Variants in ZSCAN18 observed in about 807,000 individuals in gnomAD.
The protein encoded by ZSCAN18 is zinc finger and SCAN domain containing 18.
ZSCAN18 carries 16 observed loss-of-function variants against 31.1 expected under a neutral mutation model. The ratio of observed to expected loss-of-function variants is 0.51; its 90% confidence interval spans 0.35 to 0.78. ZSCAN18 has a LOEUF of 0.78. ZSCAN18 is among the 30% of genes least tolerant of loss of function. The probability of loss-of-function intolerance (pLI) is 0.01; values close to 1 mark genes in which losing one functional copy is unlikely to be tolerated. For synonymous variants in ZSCAN18, 375 were observed against 320.7 expected, an observed-to-expected ratio of 1.17 and a Z score of -1.81; for missense variants, 731 against 697.4, an observed-to-expected ratio of 1.05 and a Z score of -0.54.
intron 1 of ZSCAN18, among the ~76,000 whole-genome samples, chr19:58,117,857 AGAG>A (rs2074744413): frequency 6.6e-6 from 1 of 151,486 alleles, no homozygotes; most frequent in Admixed American, 6.6e-5. Flanking sequence ...ACTAGGAGAG[AGAG>A]TTAGAGGGTC....
In ZSCAN18 at chr19:58,090,590, C is replaced by A; in HGVS notation, c.-119-204G>T. 2.1e-6 allele frequency: 1 copy of A among 477,900 alleles called. No individual in the cohort carries two copies. Among genetic ancestry groups the A allele is most frequent in the Non-Finnish European group, 3.6e-6 (1 of 280,242 alleles). 29.6% of individuals were successfully genotyped at this position (477,900 alleles called of 1,614,324 possible). A position where few individuals can be genotyped will look rare whatever the true frequency, so the allele number is the denominator to read the frequency against. ...GAGGGTAACTCATTCTGTGCATTAC[C>A]AGAATTTTTTTTTCTTTGAGACCGA... On this transcript the variant is annotated intron_variant, in intron 1 of 6. Coordinates refer to ENST00000601144, the MANE Select transcript of ZSCAN18 (RefSeq NM_001145543.2). This position sits in a 1 kb window ranked among gnomAD's most constrained non-coding sequence, Gnocchi z 4.7.
Position 58,090,101 on chromosome 19 carries a change from A to T in ZSCAN18, c.167T>A (p.Val56Asp), listed in dbSNP as rs2074380787. The T allele has an allele frequency of 1.2e-6, 2 of 1,613,816 alleles. No homozygotes were observed. The highest frequency in any genetic ancestry group is 1.7e-6 in the Non-Finnish European group (2 of 1,179,890). Residue 56 changes from valine to aspartate, a missense_variant, in exon 2 of 7, where the codon GTC becomes GAC. Val to Asp is a radical substitution (Grantham distance 152). This residue lies in a region of ZSCAN18 where 86 missense variants were observed against 119.1 expected (regional missense o/e 0.72). Transcript: ENST00000601144. This position sits in a 1 kb window ranked among gnomAD's most constrained non-coding sequence, Gnocchi z 4.7. ...EFSRLRFREF[V>D]YQEAAGPHQT... ...GTGGGGCCCGGCAGCCTCCTGGTAG[A>T]CAAATTCCCGGAAACGCAGGCGGGA...
chr19:58,086,943 C>T lies in ZSCAN18; in HGVS notation c.708G>A (p.Glu236=). The T allele has an allele frequency of 6.2e-7, 1 of 1,613,980 alleles. No individual in the cohort carries two copies. Among genetic ancestry groups the T allele is most frequent in the Non-Finnish European group, 8.5e-7 (1 of 1,179,990 alleles). ...LGEWGHLDPA[E]ENLKSYRKLL... is the part of the protein sequence containing the mutation. The stretch of plus-strand genomic sequence containing the variant: ...GCTTCCGGTAGCTCTTCAGGTTCTC[C>T]TCGGCAGGGTCCAGGTGGCCCCACT... Residue 236 remains glutamate (E), a synonymous_variant, in exon 5 of 7, where the codon GAG becomes GAA. Transcript: ENST00000601144.
intron 3 of ZSCAN18, chr19:58,088,183 G>C (rs1356654245): frequency 1.3e-5 from 2 of 155,636 alleles, no homozygotes; most frequent in African/African-American, 4.8e-5. Context: ...TTCACTCCAA[G>C]GGGCAGAGAG....
At chr19:58,096,101 G>A (rs763226053) in intron 1 of ZSCAN18, among the ~76,000 whole-genome samples, 5 of 152,124 alleles carry the variant, frequency 3.3e-5, no homozygotes, top group Non-Finnish European at 5.9e-5. Context: ...GTGCGGCAGC[G>A]TACATCTATA....
chr19:58,085,255 G>A lies in ZSCAN18; in HGVS notation c.963C>T (p.Thr321=), dbSNP rs2074249489. Residue 321 remains threonine, a synonymous_variant, in exon 7 of 7, where the codon ACC becomes ACT. Coordinates refer to ENST00000601144, the MANE Select transcript of ZSCAN18 (RefSeq NM_001145543.2). The part of the protein sequence containing the change: ...GDALADPPSG[T]TEEEEEQPGK... ...CAGGCTGCTCTTCCTCCTCCTCAGT[G>A]GTGCCCGACGGGGGATCGGCAAGGG... 9 of 1,604,994 alleles carry A rather than the reference G, an allele frequency of 5.6e-6. No homozygotes were observed. The highest frequency in any genetic ancestry group is 7.6e-6 in the Non-Finnish European group (9 of 1,178,390).
Position 58,085,285 on chromosome 19 carries a change from C to T in ZSCAN18, c.933G>A (p.Gly311=), listed in dbSNP as rs1239448495. The T allele has an allele frequency of 1.9e-6, 3 of 1,600,650 alleles. No homozygotes were observed. The highest frequency in any genetic ancestry group is 2.5e-6 in the Non-Finnish European group (3 of 1,177,854). ...LPELPTEAPP[G]DALADPPSGT... The stretch of plus-strand genomic sequence containing the variant: ...CCGACGGGGGATCGGCAAGGGCGTC[C>T]CCAGGGGGCGCCTCCGTAGGCAGCT... Residue 311 remains glycine, a synonymous_variant, in exon 7 of 7, where the codon GGG becomes GGA. Transcript: ENST00000601144.
chr19:58,090,214 C>A lies in ZSCAN18; in HGVS notation c.54G>T (p.Pro18=). 6.2e-7 allele frequency: 1 copy of A among 1,613,632 alleles called. No individual in the cohort carries two copies. The highest frequency in any genetic ancestry group is 2.2e-5 in the East Asian group (1 of 44,870). ...FASPRSSPAP[P]DLPTPGSAAG... ...CTGCTGACCCCGGCGTGGGCAGATC[C>A]GGCGGGGCTGGGGAGCTCCTGGGGG... The change falls in exon 2 of 7, where the codon CCG becomes CCT. Residue 18 remains proline (P), a synonymous_variant. Transcript: ENST00000601144. The surrounding 1 kb of genome is among the most constrained non-coding windows in gnomAD (Gnocchi z 4.7).
intron 1 of ZSCAN18, among the ~76,000 whole-genome samples, chr19:58,094,299 TA>T: frequency 6.6e-6 from 1 of 151,136 alleles, no homozygotes; most frequent in South Asian, 2.1e-4. Flanking sequence ...TAGTCCCAGC[TA>T]CTCAGGAGGC....
In ZSCAN18 at chr19:58,085,336, C is replaced by A; in HGVS notation, c.882G>T (p.Glu294Asp). ...CAGGCAGCACCCCCGCGGGGGCGGC[C>A]TCCTCGCAGGCGCACCCAGCGCTCT... ...RQESAGCACE[E>D]AAPAGVLPEL... The change falls in exon 7 of 7, where the codon GAG becomes GAT. Residue 294 changes from glutamate (E) to aspartate (D), a missense_variant. Coordinates refer to ENST00000601144, the MANE Select transcript of ZSCAN18 (RefSeq NM_001145543.2). 2 of 1,594,096 alleles carry A rather than the reference C, an allele frequency of 1.3e-6. No homozygotes were observed. Among genetic ancestry groups the A allele is most frequent in the Non-Finnish European group, 1.7e-6 (2 of 1,177,820 alleles).
In ZSCAN18 at chr19:58,117,875, C is replaced by T. The variant is rs190570618; in HGVS notation, c.130+392G>A. On this transcript the variant is annotated intron_variant, in intron 1 of 1. Transcript: ENST00000595721. ...AGGAGAGAGAGTTAGAGGGTCCGTG[C>T]TCCACAGGGCGAAGGGAGAGGAAAT... Among the ~76,000 whole-genome samples the T allele has an allele frequency of 2.0e-5, 3 of 152,138 alleles. 1 individual carries two copies. Among genetic ancestry groups the T allele is most frequent in the Admixed American group, 2.0e-4 (3 of 15,298 alleles).
upstream of ZSCAN18, among the ~76,000 whole-genome samples, chr19:58,102,163 A>G (rs2074599373): frequency 6.6e-6 from 1 of 152,116 alleles, no homozygotes; most frequent in Non-Finnish European, 1.5e-5. Context: ...CTTACTAAAA[A>G]ACCCCATATA....
intron 2 of ZSCAN18, among the ~76,000 whole-genome samples, chr19:58,089,121 G>A (rs896310752): frequency 1.3e-5 from 2 of 150,934 alleles, no homozygotes; most frequent in Admixed American, 1.3e-4. Context: ...GGCTAAAACG[G>A]TGAAACCCCG....
upstream of ZSCAN18, among the ~76,000 whole-genome samples, chr19:58,100,683 G>A (rs181703121): frequency 3.8e-3 from 504 of 133,306 alleles, 6 homozygotes; most frequent in African/African-American, 0.012. Context: ...GCCAGCGGGC[G>A]GATCACGAGG....
chr19:58,103,236 C>T (rs778246960), intron 1 of ZSCAN18, among the ~76,000 whole-genome samples: 6 of 152,148 alleles, frequency 3.9e-5, no homozygotes, highest in African/African-American at 1.4e-4. Flanking sequence ...AAAGGAAATA[C>T]GGTAAGTCTT....
At position 58,085,300 on chromosome 19, in the gene ZSCAN18, C is replaced by G; in HGVS notation, c.918G>C (p.Thr306=). 6.3e-7 allele frequency: 1 copy of G among 1,599,558 alleles called. No homozygotes were observed. Among genetic ancestry groups the G allele is most frequent in the Non-Finnish European group, 8.5e-7 (1 of 1,178,304 alleles). ...CAAGGGCGTCCCCAGGGGGCGCCTCCGTAGGCAGCTCAGGCAGCACCCCCG... is the reference window on the plus strand; with the variant it reads ...CAAGGGCGTCCCCAGGGGGCGCCTCGGTAGGCAGCTCAGGCAGCACCCCCG... ...APAGVLPELP[T]EAPPGDALAD... Residue 306 remains threonine (T), a synonymous_variant, in exon 7 of 7, where the codon ACG becomes ACC. Transcript: ENST00000601144.
At chr19:58,107,902 C>A in intron 1 of ZSCAN18, 1 of 1,074,146 alleles carries the variant, frequency 9.3e-7, no homozygotes, top group Admixed American at 4.0e-5. Context: ...TCCCTGAAGG[C>A]TTTGCCACAC....
chr19:58,086,334 C>T (rs1321757548), intron 5 of ZSCAN18, 68 bp from the exon 6 acceptor site: 14 of 1,456,096 alleles, frequency 9.6e-6, no homozygotes, highest in African/African-American at 4.2e-5. Context: ...TGTTGTGTGT[C>T]GTGGGCCAGC....
intron 1 of ZSCAN18, among the ~76,000 whole-genome samples, chr19:58,111,428 C>T (rs2146027064): frequency 6.6e-6 from 1 of 152,290 alleles, no homozygotes; most frequent in South Asian, 2.1e-4. Flanking sequence ...CTCACAGTGG[C>T]CTCCAAATCC....
Sources: allele counts gnomAD v4.1 joint callset (sites outside exome capture counted in the v4.1 genomes callset), GRCh38; gene constraint gnomAD v4.1.1; regional missense constraint gnomAD v4.1.1; non-coding constraint Gnocchi (gnomAD v3.1); transcripts MANE v1.5; gene names NCBI Gene and HGNC (gene_info 2026-07-23, HGNC 2026-07-21).